ENGASE: variants seen among roughly 807,000 people sequenced by gnomAD.
ENGASE encodes the protein cytosolic endo-beta-N-acetylglucosaminidase.
ENGASE carries 69 observed loss-of-function variants against 78.5 expected under a neutral mutation model. That is an observed-to-expected ratio of 0.88 (90% CI 0.72 to 1.07). The LOEUF (loss-of-function observed/expected upper bound fraction) is 1.07, where lower values mean the gene tolerates loss of function less well. Ranked by LOEUF, ENGASE falls within the 50% of genes least tolerant of loss-of-function variation. The pLI is 0.00. For synonymous variants in ENGASE, 408 were observed against 408.9 expected (o/e 1.00, Z 0.03); for missense variants, 943 against 988.4 (o/e 0.95, Z 0.62).
rs746261640 is a variant in ENGASE at position 79,083,186 on chromosome 17, C to G, written c.1142+63C>G. 51 of 1,227,460 alleles carry G rather than the reference C, an allele frequency of 4.2e-5. 1 individual carries two copies. Among genetic ancestry groups the G allele is most frequent in the Middle Eastern group, 2.0e-4 (1 of 4,996 alleles). The allele number at this position is 1,227,460 out of a possible 1,614,324, so 76.0% of individuals were successfully genotyped here. A position where few individuals can be genotyped will look rare whatever the true frequency, so the allele number is the denominator to read the frequency against. On this transcript the variant is annotated intron_variant, in intron 8 of 13. Transcript: ENST00000579016. This position sits in a 1 kb window ranked among gnomAD's most constrained non-coding sequence, Gnocchi z 4.9. ...TGGGAGGGAGGGGTTTCTGGTGTCT[C>G]TGATAGGACACGTTTGTGCTCTTTA... is the stretch of plus-strand genomic sequence containing the variant.
intron 6 of ENGASE, 111 bp from the exon 7 acceptor site, chr17:79,081,787 G>A (rs1413902405): frequency 8.8e-6 from 12 of 1,357,744 alleles, no homozygotes; most frequent in Non-Finnish European, 4.0e-6. Context: ...GGGGTGGGGT[G>A]GGCCCATCCC....
At position 79,083,767 on chromosome 17, in the gene ENGASE, G is replaced by A; in HGVS notation, c.1258G>A (p.Ala420Thr). The A allele has an allele frequency of 6.2e-7, 1 of 1,608,544 alleles. No homozygotes were observed. The highest frequency in any genetic ancestry group is 1.7e-5 in the Admixed American group (1 of 58,946). The part of the protein sequence containing the change: ...ARRVCYGQEE[A>T]VGPWYHLSAQ... ...GTTCTGCCCTTTTCTTCAGGAAGAG[G>A]CGGTAGGGCCCTGGTACCACCTGAG... The change falls in exon 10 of 14, where the codon GCG becomes ACG. Residue 420 changes from alanine to threonine, a missense_variant. Coordinates refer to ENST00000579016, the MANE Select transcript of ENGASE (RefSeq NM_001042573.3). The surrounding 1 kb of genome is among the most constrained non-coding windows in gnomAD (Gnocchi z 4.9).
At chr17:79,077,934 G>A (rs1266167301) in intron 3 of ENGASE, 70 bp downstream of exon 3, 11 of 1,366,294 alleles carry the variant, frequency 8.1e-6, no homozygotes, top group Middle Eastern at 2.6e-4. Context: ...CTGGAGGGGC[G>A]GGAGAGAGTG....
At chr17:79,084,429 A>G (rs1568093323) in intron 10 of ENGASE, 109 bp from the exon 11 acceptor site, 4 of 1,151,036 alleles carry the variant, frequency 3.5e-6, no homozygotes, top group Non-Finnish European at 4.8e-6. Context: ...AGCATTTGGC[A>G]CCCAGGCCCC....
Position 79,084,615 on chromosome 17 carries a change from T to C in ENGASE, c.1520T>C (p.Val507Ala). 1 of 1,612,544 alleles carries C rather than the reference T, an allele frequency of 6.2e-7. No individual in the cohort carries two copies. Among genetic ancestry groups the C allele is most frequent in the Non-Finnish European group, 8.5e-7 (1 of 1,179,480 alleles). Residue 507 changes from valine to alanine, a missense_variant, in exon 11 of 14, where the codon GTC (valine) becomes GCC (alanine). Transcript: ENST00000579016. ...MVYKLEGPTD[V>A]TVALELTTGD... The stretch of plus-strand genomic sequence containing the variant: ...TATAAGCTTGAGGGGCCCACGGACG[T>C]CACAGTTGCTTTGGAGCTGACCACA...
chr17:79,085,309 G>A lies in ENGASE; in HGVS notation c.1667G>A (p.Cys556Tyr). The A allele has an allele frequency of 6.2e-7, 1 of 1,612,710 alleles. No homozygotes were observed. Among genetic ancestry groups the A allele is most frequent in the Non-Finnish European group, 8.5e-7 (1 of 1,179,750 alleles). The change falls in exon 12 of 14, where the codon TGC becomes TAC. Residue 556 changes from cysteine (C) to tyrosine (Y), a missense_variant. Physicochemically the swap from Cys to Tyr is radical, Grantham distance 194 (BLOSUM62 -2). Transcript: ENST00000579016. ...PTKLARWVGR[C>Y]GRQLSGGWVQ... Reference sequence around the variant, plus strand: ...AAGCTGGCCAGATGGGTGGGCCGCTGCGGCCGGCAGCTGAGTGGGGGCTGG... The same window carrying A: ...AAGCTGGCCAGATGGGTGGGCCGCTACGGCCGGCAGCTGAGTGGGGGCTGG...
Position 79,077,876 on chromosome 17 carries a change from G to T in ENGASE, c.416+12G>T. 1 of 1,604,566 alleles carries T rather than the reference G, an allele frequency of 6.2e-7. No individual in the cohort carries two copies. On this transcript the variant is annotated intron_variant, in intron 3 of 13. Transcript: ENST00000579016. Reference sequence around the variant, plus strand: ...TACCTGGATGACAGGTGAGGACCTGGCCTTACATTGATGTTGCTTACATTG... The same window carrying T: ...TACCTGGATGACAGGTGAGGACCTGTCCTTACATTGATGTTGCTTACATTG...
intron 13 of ENGASE, 98 bp downstream of exon 13, chr17:79,085,832 G>A (rs1245724736): frequency 1.0e-5 from 16 of 1,594,232 alleles, no homozygotes; most frequent in African/African-American, 1.3e-5. Context: ...GGGTTCAGCG[G>A]GGAACTGGGG....
At position 79,075,057 on chromosome 17, in the gene ENGASE, AGCCGCG is replaced by A; in HGVS notation, c.122_127del (p.Pro41_Arg42del). ...ACGCAGGAGGAGCAGGAGGATCAGG[AGCCGCG>A]GCCGCGGCGGCGGCGGCCGGGAAGG... On this transcript the variant is annotated inframe_deletion, in exon 1 of 14. Transcript: ENST00000579016. 2 of 1,193,626 alleles carry A rather than the reference AGCCGCG, an allele frequency of 1.7e-6. No individual in the cohort carries two copies. The allele number at this position is 1,193,626 out of a possible 1,614,324, so 73.9% of individuals were successfully genotyped here.
intron 3 of ENGASE, 52 bp downstream of exon 3, chr17:79,077,916 G>C: frequency 6.8e-7 from 1 of 1,478,162 alleles, no homozygotes; most frequent in Non-Finnish European, 9.2e-7. Context: ...CCTTTGCTGG[G>C]GTGGGGGCTG....
intron 5 of ENGASE, 104 bp from the exon 6 acceptor site, chr17:79,080,821 G>A (rs922669106): frequency 8.3e-6 from 12 of 1,448,166 alleles, no homozygotes; most frequent in African/African-American, 2.9e-5. Flanking sequence ...CTTCGCCTGT[G>A]GGTCTGTTTG....
Position 79,080,204 on chromosome 17 carries a change from C to T in ENGASE, c.566-3C>T, listed in dbSNP as rs112270045. 976 of 1,592,474 alleles carry T rather than the reference C, an allele frequency of 6.1e-4. 5 individuals are homozygous for T. In the African/African-American group the frequency reaches 0.011, roughly 17 times the overall value. On this transcript the variant is annotated splice_polypyrimidine_tract_variant and splice_region_variant and intron_variant, in intron 4 of 13. Coordinates refer to ENST00000579016, the MANE Select transcript of ENGASE (RefSeq NM_001042573.3). ...TGACCTTGTTTCTCTCCTATCCTCA[C>T]AGGGACTTTCATCACGGAGTGGAAT...
In ENGASE at chr17:79,082,066, G is replaced by A. The variant is rs2145993906; in HGVS notation, c.1038+3G>A. ...GAGGCCGATTCGACACAGACAAGGT[G>A]GGTGGTGGCTTTCGTCCAAGGGCCA... On this transcript the variant is annotated splice_donor_region_variant and intron_variant, in intron 7 of 13. Coordinates refer to ENST00000579016, the MANE Select transcript of ENGASE (RefSeq NM_001042573.3). The A allele has an allele frequency of 1.2e-6, 2 of 1,614,202 alleles. No homozygotes were observed. The highest frequency in any genetic ancestry group is 4.5e-5 in the East Asian group (2 of 44,880).
chr17:79,084,340 T>A (rs953232071), intron 10 of ENGASE, 198 bp from the exon 11 acceptor site: 20 of 522,930 alleles, frequency 3.8e-5, no homozygotes, highest in Admixed American at 2.3e-4. Context: ...ATTTCAGAAC[T>A]GAGATGTTTC....
rs1223136042 is a variant in ENGASE at position 79,088,415 on chromosome 17, G to A, written c.*2066G>A. 6.6e-6 allele frequency: 1 copy of A among 152,194 alleles called. No homozygotes were observed. The allele number at this position is 152,194 out of a possible 1,614,324, so 9.4% of individuals were successfully genotyped here. ...CAATTATTTTCTCACAGTCTGGTGA[G>A]CAGGCAATTAATTAGGAGTAAGGGG... is the stretch of plus-strand genomic sequence containing the variant. On this transcript the variant is annotated 3_prime_UTR_variant, in exon 14 of 14. Transcript: ENST00000579016.
chr17:79,081,830 C>G, intron 6 of ENGASE, 68 bp from the exon 7 acceptor site: 2 of 1,540,114 alleles, frequency 1.3e-6, no homozygotes, highest in South Asian at 2.5e-5. Flanking sequence ...GCTGAGACTG[C>G]AGGGTTGGTG....
chr17:79,085,187 T>C, intron 11 of ENGASE, 47 bp from the exon 12 acceptor site: 1 of 1,514,056 alleles, frequency 6.6e-7, no homozygotes, highest in Non-Finnish European at 9.2e-7. Context: ...CTCAGTGCCT[T>C]TTCCTTTGAG....
At chr17:79,079,218 C>T (rs2145979359) in intron 3 of ENGASE, among the ~76,000 whole-genome samples, 1 of 152,306 alleles carries the variant, frequency 6.6e-6, no homozygotes, top group Middle Eastern at 3.4e-3. Context: ...GGCTGGAGTA[C>T]AGTGGTACAA....
intron 6 of ENGASE, 78 bp from the exon 7 acceptor site, chr17:79,081,820 G>A: frequency 1.3e-6 from 2 of 1,527,528 alleles, no homozygotes; most frequent in South Asian, 1.3e-5. Flanking sequence ...GAGGGGAAAG[G>A]CTGAGACTGC....
Sources: allele counts gnomAD v4.1 joint callset (sites outside exome capture counted in the v4.1 genomes callset), GRCh38; gene constraint gnomAD v4.1.1; non-coding constraint Gnocchi (gnomAD v3.1); transcripts MANE v1.5; gene names NCBI Gene and HGNC (gene_info 2026-07-23, HGNC 2026-07-21).